HERPUD2: variants seen among roughly 807,000 people sequenced by gnomAD.
The protein encoded by HERPUD2 is HERPUD family member 2, also known as homocysteine-responsive endoplasmic reticulum-resident ubiquitin-like domain member 2 protein.
A neutral mutation model predicts 49.9 loss-of-function variants in HERPUD2; 13 were observed. The observed-to-expected ratio is 0.26, with a 90% CI of 0.17 to 0.41. The LOEUF (loss-of-function observed/expected upper bound fraction) is 0.41, where lower values mean the gene tolerates loss of function less well. HERPUD2 is among the 10% of genes least tolerant of loss of function. The pLI, the probability that HERPUD2 is intolerant of heterozygous loss-of-function variation, is 1.00. For missense variants in HERPUD2, 449 were observed against 492.2 expected, an observed-to-expected ratio of 0.91 and a Z score of 0.83; for synonymous variants, 172 against 171.4, an observed-to-expected ratio of 1.00 and a Z score of -0.03.
In HERPUD2 at chr7:35,635,301, T is replaced by C; in HGVS notation, c.775A>G (p.Met259Val). ...AGTACTGGACCTCCCTGTGCATTCA[T>C]TTGAACATTCTCATTCATGGGTCGA... ...ENRPMNENVQ[M>V]NAQGGPVLNE... is the part of the protein sequence containing the mutation. The change falls in exon 7 of 9, where the codon ATG becomes GTG. Residue 259 changes from methionine to valine, a missense_variant. Transcript: ENST00000311350. 1.2e-6 allele frequency: 2 copies of C among 1,614,170 alleles called. No homozygotes were observed. Among genetic ancestry groups the C allele is most frequent in the South Asian group, 1.1e-5 (1 of 91,084 alleles).
At chr7:35,648,324 C>G (rs1195811890) in intron 5 of HERPUD2, among the ~76,000 whole-genome samples, 3 of 152,112 alleles carry the variant, frequency 2.0e-5, no homozygotes, top group Non-Finnish European at 4.4e-5. Context: ...AAAGATCGCC[C>G]CAGTTCTTCA....
At chr7:35,646,746 GTAAGA>G (rs1016379531) in intron 5 of HERPUD2, among the ~76,000 whole-genome samples, 1 of 152,122 alleles carries the variant, frequency 6.6e-6, no homozygotes, top group Non-Finnish European at 1.5e-5. Context: ...GGAAAACTGA[GTAAGA>G]TAATAACCTG....
intron 2 of HERPUD2, among the ~76,000 whole-genome samples, chr7:35,679,130 T>C (rs924854794): frequency 3.9e-5 from 6 of 152,216 alleles, no homozygotes; most frequent in Non-Finnish European, 7.3e-5. Flanking sequence ...GAAGATCATT[T>C]AGTTAAAAAT....
chr7:35,638,501 A>G, intron 5 of HERPUD2, 29 bp from the exon 6 acceptor site: 1 of 1,605,842 alleles, frequency 6.2e-7, no homozygotes, highest in Non-Finnish European at 8.5e-7. Context: ...GAGCTCTTTT[A>G]ATGCTCTAGC....
chr7:35,660,134 T>C (rs1785379980), intron 5 of HERPUD2, among the ~76,000 whole-genome samples: 1 of 152,220 alleles, frequency 6.6e-6, no homozygotes, highest in Non-Finnish European at 1.5e-5. Context: ...GGTGTTTTGT[T>C]TTCTGTCCTT....
At chr7:35,672,592 C>T (rs1365014951) in intron 3 of HERPUD2, among the ~76,000 whole-genome samples, 1 of 151,982 alleles carries the variant, frequency 6.6e-6, no homozygotes, top group African/African-American at 2.4e-5. Flanking sequence ...CTGCTATACC[C>T]ACCAACAAAA....
chr7:35,656,972 G>C (rs1427000883), intron 5 of HERPUD2, among the ~76,000 whole-genome samples: 1 of 151,978 alleles, frequency 6.6e-6, no homozygotes, highest in Non-Finnish European at 1.5e-5. Context: ...TTACGGCTAA[G>C]ACATCTAGAA....
chr7:35,667,556 T>A lies in HERPUD2; in HGVS notation c.372A>T (p.Ser124=). The A allele has an allele frequency of 6.2e-7, 1 of 1,613,700 alleles. No individual in the cohort carries two copies. Among genetic ancestry groups the A allele is most frequent in the South Asian group, 1.1e-5 (1 of 91,066 alleles). ...SSDHSGSTTP[S]SGQETLSLAV... is the part of the protein sequence containing the mutation. ...CTAAAGACAAGGTTTCTTGACCAGA[T>A]GATGGAGTTGTTGATCCTGAATGAT... The change falls in exon 5 of 9, where the codon TCA becomes TCT. Residue 124 remains serine, a synonymous_variant. Transcript: ENST00000311350.
chr7:35,685,960 CTAAA>C (rs1554317773), intron 2 of HERPUD2, among the ~76,000 whole-genome samples: 66 of 148,046 alleles, frequency 4.5e-4, no homozygotes, highest in African/African-American at 1.5e-3. Flanking sequence ...GACCCTGTCT[CTAAA>C]TAAATAAATA....
intron 5 of HERPUD2, among the ~76,000 whole-genome samples, chr7:35,662,460 T>TAA (rs1785445513): frequency 6.6e-6 from 1 of 151,624 alleles, no homozygotes; most frequent in African/African-American, 2.4e-5. Flanking sequence ...AACCAGCCCC[T>TAA]CTTTGTACCT....
chr7:35,670,776 ACT>A (rs1036173990), intron 3 of HERPUD2, among the ~76,000 whole-genome samples: 6 of 151,946 alleles, frequency 3.9e-5, no homozygotes, highest in African/African-American at 1.4e-4. Context: ...GATTTTTTTT[ACT>A]CTTTTTTTCA....
At chr7:35,694,754 G>C (rs1786281316) in intron 1 of HERPUD2, 47 bp downstream of exon 1, 1 of 179,340 alleles carries the variant, frequency 5.6e-6, no homozygotes, top group South Asian at 1.2e-4. Flanking sequence ...GGTGCGGATC[G>C]GGGAAGCAGC....
intron 5 of HERPUD2, among the ~76,000 whole-genome samples, chr7:35,653,278 T>C (rs1785204075): frequency 6.6e-6 from 1 of 152,124 alleles, no homozygotes; most frequent in Non-Finnish European, 1.5e-5. Flanking sequence ...AGAACATCTA[T>C]CCTTATAACA....
intron 5 of HERPUD2, among the ~76,000 whole-genome samples, chr7:35,641,630 A>G (rs1328059557): frequency 6.6e-6 from 1 of 152,212 alleles, no homozygotes; most frequent in Admixed American, 6.5e-5. Flanking sequence ...AGACACACAG[A>G]CCAATGGAAC....
In HERPUD2 at chr7:35,694,378, A is replaced by G; in HGVS notation, c.-48T>C. ...GTCCAGAGGAGCGGCAGTTAAGCCCAAAAGAGCCGAGATGGTCACCGCCGG... is the reference window on the plus strand; with the variant it reads ...GTCCAGAGGAGCGGCAGTTAAGCCCGAAAGAGCCGAGATGGTCACCGCCGG... On this transcript the variant is annotated 5_prime_UTR_variant, in exon 2 of 9. Coordinates refer to ENST00000311350, the MANE Select transcript of HERPUD2 (RefSeq NM_022373.5). The G allele has an allele frequency of 6.2e-7, 1 of 1,609,606 alleles. No individual in the cohort carries two copies. Among genetic ancestry groups the G allele is most frequent in the South Asian group, 1.1e-5 (1 of 90,940 alleles).
At chr7:35,650,409 C>A (rs904565526) in intron 5 of HERPUD2, among the ~76,000 whole-genome samples, 1 of 152,022 alleles carries the variant, frequency 6.6e-6, no homozygotes, top group African/African-American at 2.4e-5. Flanking sequence ...ACACGGGCCC[C>A]GAGACTAACA....
At chr7:35,677,381 T>A (rs1240302453) in intron 2 of HERPUD2, among the ~76,000 whole-genome samples, 1 of 152,228 alleles carries the variant, frequency 6.6e-6, no homozygotes, top group East Asian at 1.9e-4. Context: ...TATTTGAGCG[T>A]TTCTAGGCTT....
At chr7:35,648,398 T>C (rs1785095168) in intron 5 of HERPUD2, among the ~76,000 whole-genome samples, 1 of 152,184 alleles carries the variant, frequency 6.6e-6, no homozygotes, top group Non-Finnish European at 1.5e-5. Flanking sequence ...TGGTTTACGC[T>C]GGCTTACCTG....
Position 35,694,183 on chromosome 7 carries a change from C to T in HERPUD2, c.147+1G>A. The T allele has an allele frequency of 6.2e-7, 1 of 1,614,134 alleles. No homozygotes were observed. Among genetic ancestry groups the T allele is most frequent in the Non-Finnish European group, 8.5e-7 (1 of 1,179,992 alleles). On this transcript the variant is annotated splice_donor_variant, in intron 2 of 8. Coordinates refer to ENST00000311350, the MANE Select transcript of HERPUD2 (RefSeq NM_022373.5). LOFTEE classifies it high-confidence loss of function. ...GCTGCCCCCAGCTTTTACACACTTA[C>T]TGGTTTGCTAGGGTAAACGTTAGAT...
Sources: allele counts gnomAD v4.1 joint callset (sites outside exome capture counted in the v4.1 genomes callset), GRCh38; gene constraint gnomAD v4.1.1; transcripts MANE v1.5; gene names NCBI Gene and HGNC (gene_info 2026-07-23, HGNC 2026-07-21).